Variants in NRXN1 observed in about 807,000 individuals in gnomAD.
NRXN1 encodes the protein neurexin 1, also known as neurexin-1.
A neutral mutation model predicts 150.9 loss-of-function variants in NRXN1; 39 were observed. The observed-to-expected ratio is 0.26, with a 90% CI of 0.20 to 0.34. The LOEUF is 0.34. NRXN1 is among the 10% of genes least tolerant of loss of function. The probability of loss-of-function intolerance (pLI) is 1.00; values close to 1 mark genes in which losing one functional copy is unlikely to be tolerated. For synonymous variants in NRXN1, 924 were observed against 757.0 expected (o/e 1.22, Z -3.62); for missense variants, 1,815 against 1,949.9 (o/e 0.93, Z 1.30).
At chr2:50,216,742 T>G (rs2063428000) in intron 18 of NRXN1, among the ~76,000 whole-genome samples, 1 of 151,954 alleles carries the variant, frequency 6.6e-6, no homozygotes, top group Non-Finnish European at 1.5e-5. Context: ...GGGTGGAAAG[T>G]TCAACACAAG....
At position 50,236,770 on chromosome 2, in the gene NRXN1, T is replaced by G. The variant is rs2152879182; in HGVS notation, c.3546+19A>C. ...AACAGTAAAAAGTAAAAGCTGAATCTTATGCAAAAAGTACTTACTATATGC... is the reference window on the plus strand; with the variant it reads ...AACAGTAAAAAGTAAAAGCTGAATCGTATGCAAAAAGTACTTACTATATGC... On this transcript the variant is annotated intron_variant, in intron 18 of 22. Transcript: ENST00000401669. The G allele has an allele frequency of 6.2e-7, 1 of 1,610,598 alleles. No homozygotes were observed. Among genetic ancestry groups the G allele is most frequent in the Non-Finnish European group, 8.5e-7 (1 of 1,177,502 alleles).
intron 8 of NRXN1, among the ~76,000 whole-genome samples, chr2:50,570,968 C>T (rs1195390213): frequency 6.6e-6 from 1 of 152,102 alleles, no homozygotes; most frequent in Admixed American, 6.6e-5. Context: ...GGTAGTCACT[C>T]AGTTACTAGA....
At chr2:50,835,214 T>C (rs1489937308) in intron 5 of NRXN1, among the ~76,000 whole-genome samples, 1 of 152,008 alleles carries the variant, frequency 6.6e-6, no homozygotes, top group Non-Finnish European at 1.5e-5. Flanking sequence ...ACCTTTCAGA[T>C]TGTCTCCCAA....
At chr2:50,786,371 C>T (rs1705111842) in intron 5 of NRXN1, among the ~76,000 whole-genome samples, 1 of 152,062 alleles carries the variant, frequency 6.6e-6, no homozygotes, top group Admixed American at 6.6e-5. Context: ...CTATAAAAGG[C>T]TTCATCCACA....
intron 5 of NRXN1, among the ~76,000 whole-genome samples, chr2:50,871,500 A>G (rs1043494685): frequency 1.3e-5 from 2 of 151,892 alleles, no homozygotes; most frequent in African/African-American, 4.8e-5. Flanking sequence ...ATAAATGTGT[A>G]CAATAAATTA....
chr2:50,638,773 T>C (rs1683606415), intron 5 of NRXN1, among the ~76,000 whole-genome samples: 1 of 152,208 alleles, frequency 6.6e-6, no homozygotes, highest in African/African-American at 2.4e-5. Flanking sequence ...ATATATTTTA[T>C]AGCCCATGCT....
At position 50,436,344 on chromosome 2, in the gene NRXN1, T is replaced by C. The variant is rs539785910; in HGVS notation, c.3364+29098A>G. Among the ~76,000 whole-genome samples the C allele has an allele frequency of 6.6e-5, 10 of 152,204 alleles. No individual in the cohort carries two copies. The South Asian group carries it at 2.1e-3, about 32-fold the overall frequency. ...GGCACATGCCTGTAATCCCAGCTAC[T>C]TGGGAAGCTGAGGCAGAAGAATCCC... On this transcript the variant is annotated intron_variant, in intron 17 of 22. Transcript: ENST00000401669.
rs150950152 is a variant in NRXN1 at position 50,940,585 on chromosome 2, G to A, written c.773-14630C>T. On this transcript the variant is annotated intron_variant, in intron 2 of 22. Coordinates refer to ENST00000401669, the MANE Select transcript of NRXN1 (RefSeq NM_001330078.2). Reference sequence around the variant, plus strand: ...TGAATACAACTTCAAAAGAAATAGTGTCAATAACTAAACTACTTAAGAAGC... The same window carrying A: ...TGAATACAACTTCAAAAGAAATAGTATCAATAACTAAACTACTTAAGAAGC... Among the ~76,000 whole-genome samples the A allele has an allele frequency of 5.6e-4, 85 of 152,062 alleles. 1 individual carries two copies. The East Asian group carries it at 0.016, about 29-fold the overall frequency.
chr2:50,579,050 T>C (rs1671858015), intron 8 of NRXN1, among the ~76,000 whole-genome samples: 1 of 152,194 alleles, frequency 6.6e-6, no homozygotes, highest in Non-Finnish European at 1.5e-5. Context: ...GACATGCTTC[T>C]CTACAGAAAT....
chr2:50,893,257 G>C (rs1359443013), intron 5 of NRXN1, among the ~76,000 whole-genome samples: 1 of 151,954 alleles, frequency 6.6e-6, no homozygotes, highest in Non-Finnish European at 1.5e-5. Flanking sequence ...ATTATTTTAG[G>C]GTAGGTAATA....
intron 18 of NRXN1, among the ~76,000 whole-genome samples, chr2:50,232,709 T>G (rs1265437157): frequency 6.6e-6 from 1 of 152,060 alleles, no homozygotes. Flanking sequence ...TCATCACCAT[T>G]ATTATAAATC....
intron 5 of NRXN1, among the ~76,000 whole-genome samples, chr2:50,649,396 A>C (rs893414337): frequency 6.6e-6 from 1 of 152,004 alleles, no homozygotes; most frequent in Non-Finnish European, 1.5e-5. Context: ...CTTCCAGATT[A>C]CAGTGTGGCT....
intron 19 of NRXN1, among the ~76,000 whole-genome samples, chr2:50,074,450 G>A (rs1696755869): frequency 6.6e-6 from 1 of 152,028 alleles, no homozygotes; most frequent in Non-Finnish European, 1.5e-5. Context: ...TCATAAACAA[G>A]TTACTATATC....
At chr2:50,210,433 G>T (rs1327710096) in intron 18 of NRXN1, among the ~76,000 whole-genome samples, 2 of 151,602 alleles carry the variant, frequency 1.3e-5, no homozygotes, top group East Asian at 3.9e-4. Flanking sequence ...ACATTCACAG[G>T]TATTAATTAG....
chr2:50,508,671 A>G (rs2092337823), intron 12 of NRXN1, among the ~76,000 whole-genome samples: 1 of 152,212 alleles, frequency 6.6e-6, no homozygotes, highest in Non-Finnish European at 1.5e-5. Flanking sequence ...TAAGGGTGAT[A>G]TCATCGTTAT....
intron 17 of NRXN1, among the ~76,000 whole-genome samples, chr2:50,460,947 A>G (rs189918501): frequency 2.6e-5 from 4 of 152,116 alleles, no homozygotes; most frequent in South Asian, 2.1e-4. Context: ...ACCAGCAGCA[A>G]ATCAGCTCAC....
chr2:50,762,942 C>T (rs146205780), intron 5 of NRXN1, among the ~76,000 whole-genome samples: 2 of 152,100 alleles, frequency 1.3e-5, no homozygotes, highest in African/African-American at 4.8e-5. Flanking sequence ...TGCTTTAGAG[C>T]ATCTATACAG....
intron 17 of NRXN1, among the ~76,000 whole-genome samples, chr2:50,307,232 T>G (rs1399529222): frequency 2.0e-5 from 3 of 152,202 alleles, no homozygotes; most frequent in Non-Finnish European, 4.4e-5. Flanking sequence ...TTCACCCACC[T>G]CAGCCTCCCA....
chr2:50,727,855 T>C (rs1485973974), intron 5 of NRXN1, among the ~76,000 whole-genome samples: 1 of 152,018 alleles, frequency 6.6e-6, no homozygotes, highest in Admixed American at 6.6e-5. Context: ...GAAAGAATAT[T>C]GAGTTGGGCT....
Sources: gnomAD v4.1 joint callset for allele counts (sites outside exome capture counted in the v4.1 genomes callset) on GRCh38, gnomAD v4.1.1 for gene constraint, MANE v1.5 for transcripts, NCBI Gene and HGNC (gene_info 2026-07-23, HGNC 2026-07-21) for gene names.